The following MICU2 variants were observed in gnomAD, a reference collection of about 807,000 sequenced individuals.
MICU2 encodes the protein mitochondrial calcium uptake 2.
A neutral mutation model predicts 60.4 loss-of-function variants in MICU2; 64 were observed. The ratio of observed to expected loss-of-function variants is 1.06; its 90% CI spans 0.87 to 1.31. The LOEUF (loss-of-function observed/expected upper bound fraction) is 1.31, where lower values mean the gene tolerates loss of function less well. Ranked by LOEUF, MICU2 falls within the 50% of genes most tolerant of loss-of-function variation. MICU2 has a pLI of 0.00. For missense variants in MICU2, 569 were observed against 531.0 expected (o/e 1.07, Z -0.70); for synonymous variants, 201 against 175.0 (o/e 1.15, Z -1.17).
chr13:21,493,883 C>T (rs550865404), intron 11 of MICU2, among the ~76,000 whole-genome samples: 55 of 151,970 alleles, frequency 3.6e-4, no homozygotes, highest in African/African-American at 1.3e-3. Context: ...TGGATTACTA[C>T]TACTCTCAAC....
intron 2 of MICU2, among the ~76,000 whole-genome samples, chr13:21,543,711 G>C (rs917812062): frequency 2.0e-5 from 3 of 152,028 alleles, no homozygotes; most frequent in Non-Finnish European, 4.4e-5. Context: ...TGGATCAGAA[G>C]AATTAATATT....
intron 9 of MICU2, among the ~76,000 whole-genome samples, chr13:21,496,910 A>G (rs1886013314): frequency 6.6e-6 from 1 of 151,946 alleles, no homozygotes; most frequent in South Asian, 2.1e-4. Context: ...AAAAACAAAA[A>G]AATTAGCCGG....
intron 2 of MICU2, among the ~76,000 whole-genome samples, chr13:21,558,188 C>T (rs191812019): frequency 7.2e-5 from 11 of 152,218 alleles, no homozygotes; most frequent in Non-Finnish European, 5.9e-5. Flanking sequence ...GACTATCGCC[C>T]CCCAGTGTTA....
chr13:21,589,369 C>T (rs894142855), intron 1 of MICU2, among the ~76,000 whole-genome samples: 8 of 152,164 alleles, frequency 5.3e-5, no homozygotes, highest in Non-Finnish European at 1.0e-4. Context: ...CTCATAAAAA[C>T]GGCACTTACT....
intron 6 of MICU2, among the ~76,000 whole-genome samples, chr13:21,514,942 T>C (rs562880511): frequency 3.9e-5 from 6 of 152,286 alleles, no homozygotes; most frequent in African/African-American, 1.4e-4. Context: ...TACAATCTTC[T>C]ACTAAGAAAG....
intron 2 of MICU2, among the ~76,000 whole-genome samples, chr13:21,556,647 C>T (rs1348084673): frequency 6.6e-6 from 1 of 152,022 alleles, no homozygotes; most frequent in Non-Finnish European, 1.5e-5. Flanking sequence ...CTTAGCAGGG[C>T]AAGAGCACTA....
At chr13:21,577,761 T>C (rs997998336) in intron 1 of MICU2, among the ~76,000 whole-genome samples, 15 of 139,848 alleles carry the variant, frequency 1.1e-4, no homozygotes, top group African/African-American at 3.6e-4. Context: ...GCCAGGATCA[T>C]GCCACTGCAC....
At chr13:21,562,556 TTAG>T (rs1887873249) in intron 2 of MICU2, among the ~76,000 whole-genome samples, 1 of 152,206 alleles carries the variant, frequency 6.6e-6, no homozygotes, top group African/African-American at 2.4e-5. Flanking sequence ...AAATATTTTT[TTAG>T]TAGTTGTCCT....
chr13:21,591,202 CA>C (rs1169861358), intron 1 of MICU2, among the ~76,000 whole-genome samples: 35 of 144,968 alleles, frequency 2.4e-4, no homozygotes, highest in African/African-American at 2.3e-4. Flanking sequence ...AAATGGAAAG[CA>C]AAAAAAAAAA....
At chr13:21,552,748 G>A (rs540210686) in intron 2 of MICU2, among the ~76,000 whole-genome samples, 15 of 152,150 alleles carry the variant, frequency 9.9e-5, no homozygotes, top group African/African-American at 2.2e-4. Context: ...GTAGATAGGC[G>A]GCATTATTTC....
At chr13:21,525,991 G>A (rs1886846058) in intron 4 of MICU2, among the ~76,000 whole-genome samples, 1 of 151,612 alleles carries the variant, frequency 6.6e-6, no homozygotes, top group Admixed American at 6.6e-5. Context: ...CTGGAGTACA[G>A]TGGCACAGTA....
intron 1 of MICU2, among the ~76,000 whole-genome samples, chr13:21,578,503 CACTTGAGCCTGCGA>C (rs1051557282): frequency 6.6e-6 from 1 of 151,948 alleles, no homozygotes; most frequent in African/African-American, 2.4e-5. Context: ...GTGGGAGGAT[CACTTGAGCCTGCGA>C]GGTTGAGACT....
intron 8 of MICU2, among the ~76,000 whole-genome samples, chr13:21,508,435 T>C (rs73443823): frequency 0.016 from 2,451 of 152,322 alleles, 66 homozygotes; most frequent in African/African-American, 0.057. Context: ...AAGGCTCTTA[T>C]TTCTTTTCTG....
intron 6 of MICU2, among the ~76,000 whole-genome samples, chr13:21,517,301 TTA>T (rs1464779019): frequency 2.6e-5 from 4 of 152,244 alleles, no homozygotes; most frequent in Non-Finnish European, 5.9e-5. Flanking sequence ...TTTGTTACAT[TTA>T]TGTTTTAGGT....
rs1432569088 is a variant in MICU2, at chr13:21,520,203, A to G, written c.597+1042T>C. On this transcript the variant is annotated intron_variant, in intron 6 of 11. Transcript: ENST00000382374. ...ATGGATCCTATTTGTTTATCCACTC[A>G]CTTGATGAACATTTCGGTTGTTTCT... is the stretch of plus-strand genomic sequence containing the variant. Among the ~76,000 whole-genome samples, 5 of 152,182 alleles carry G rather than the reference A, an allele frequency of 3.3e-5. 1 individual carries two copies. The highest frequency in any genetic ancestry group is 2.6e-4 in the Admixed American group (4 of 15,282).
At chr13:21,511,703 CT>C (rs1488277593) in intron 7 of MICU2, among the ~76,000 whole-genome samples, 8 of 147,598 alleles carry the variant, frequency 5.4e-5, no homozygotes, top group South Asian at 2.1e-4. Flanking sequence ...TGCTCCCACC[CT>C]CTTTTTAGCC....
At chr13:21,566,741 T>G in intron 2 of MICU2, 56 bp downstream of exon 2, 1 of 1,434,604 alleles carries the variant, frequency 7.0e-7, no homozygotes, top group African/African-American at 1.5e-5. Context: ...GAAAAACAGG[T>G]TTTTCAGCCC....
intron 10 of MICU2, 96 bp downstream of exon 10, chr13:21,495,956 C>A: frequency 2.5e-6 from 2 of 799,972 alleles, no homozygotes; most frequent in Non-Finnish European, 4.0e-6. Context: ...ACTATTTTTA[C>A]TTATAATTTG....
intron 1 of MICU2, among the ~76,000 whole-genome samples, chr13:21,578,486 G>A (rs773477613): frequency 1.3e-5 from 2 of 152,268 alleles, no homozygotes; most frequent in South Asian, 4.2e-4. Flanking sequence ...CTACTCAGGA[G>A]GCTGAAGTGG....
Sources: allele counts gnomAD v4.1 joint callset (sites outside exome capture counted in the v4.1 genomes callset), GRCh38; gene constraint gnomAD v4.1.1; transcripts MANE v1.5; gene names NCBI Gene and HGNC (gene_info 2026-07-23, HGNC 2026-07-21).